TRRAP: variants seen among roughly 807,000 people sequenced by gnomAD.
TRRAP encodes transformation/transcription domain-associated protein.
A neutral mutation model predicts 438.8 loss-of-function variants in TRRAP; 41 were observed. That is an observed-to-expected ratio of 0.09 (90% confidence interval 0.07 to 0.12). The LOEUF is 0.12. Among genes scored for constraint, TRRAP ranks in the 10% least tolerant of loss-of-function variants. The probability of loss-of-function intolerance (pLI) is 1.00; values close to 1 mark genes in which losing one functional copy is unlikely to be tolerated. For synonymous variants in TRRAP, 1,994 were observed against 1,962.9 expected (o/e 1.02, Z -0.42); for missense variants, 3,122 against 5,055.1 (o/e 0.62, Z 11.60).
Position 98,945,944 on chromosome 7 carries a change from G to T in TRRAP, c.4542G>T (p.Gly1514=). Residue 1514 remains glycine, a synonymous_variant, in exon 33 of 73, where the codon GGG becomes GGT. Coordinates refer to ENST00000456197, the MANE Select transcript of TRRAP (RefSeq NM_001375524.1). ...PFCQFEPAME[G]VEEMKICSAI... is the part of the protein sequence containing the mutation. ...TTTTGGTTCAGCCTGCCATGGAAGG[G>T]GTAGAGGTGAGAACTTGAGCGGAGC... The T allele has an allele frequency of 6.8e-7, 1 of 1,480,740 alleles. No individual in the cohort carries two copies. The highest frequency in any genetic ancestry group is 9.0e-7 in the Non-Finnish European group (1 of 1,115,344). 91.7% of individuals were successfully genotyped at this position (1,480,740 alleles called of 1,614,324 possible).
chr7:98,920,611 G>A (rs1789740536), intron 20 of TRRAP, among the ~76,000 whole-genome samples: 1 of 152,192 alleles, frequency 6.6e-6, no homozygotes, highest in South Asian at 2.1e-4. Context: ...TAAATGCGGA[G>A]TCCACATTAA....
chr7:98,931,544 A>G lies in TRRAP; in HGVS notation c.3731A>G (p.Asp1244Gly), dbSNP rs1554412905. Residue 1244 changes from aspartate (D) to glycine (G), a missense_variant, in exon 26 of 73, where the codon GAC (aspartate) becomes GGC (glycine). Physicochemically the swap from Asp to Gly is moderately conservative, Grantham distance 94 (BLOSUM62 -1). Transcript: ENST00000456197. ...AAGTCTTTCCACCATGTGACACACG[A>G]CTTGGTTCGAGAAGTCACCTCTCCA... ...QEKSFHHVTHDLVREVTSPNS... is the reference protein window; with the variant it reads ...QEKSFHHVTHGLVREVTSPNS... The G allele has an allele frequency of 6.2e-7, 1 of 1,614,196 alleles. No individual in the cohort carries two copies. The highest frequency in any genetic ancestry group is 2.2e-5 in the East Asian group (1 of 44,882).
intron 70 of TRRAP, 54 bp downstream of exon 70, chr7:99,008,615 G>T: frequency 6.3e-7 from 1 of 1,588,604 alleles, no homozygotes; most frequent in Non-Finnish European, 8.6e-7. Context: ...CCTCCTGTGT[G>T]GGGCAGTGCC....
intron 39 of TRRAP, 102 bp downstream of exon 39, chr7:98,951,106 A>G (rs1386703034): frequency 1.1e-6 from 1 of 896,330 alleles, no homozygotes. Context: ...AAGGGGGTTC[A>G]TTGAAATAAG....
chr7:98,882,363 C>CTTTTTTTTTTTTT (rs531239628), intron 3 of TRRAP, among the ~76,000 whole-genome samples: 5 of 138,192 alleles, frequency 3.6e-5, no homozygotes, highest in Non-Finnish European at 4.7e-5. Context: ...TCTTTTCTTT[C>CTTTTTTTTTTTTT]TTTTTTTTTT....
chr7:98,881,740 CGTGTGTGTGTTTGT>C (rs1795447157), intron 2 of TRRAP: 3 of 462,034 alleles, frequency 6.5e-6, no homozygotes, highest in African/African-American at 2.0e-5. Flanking sequence ...CAAAGAGGCA[CGTGTGTGTGTTTGT>C]GTGTGTGTGT....
At chr7:98,953,513 C>T (rs1214727391) in intron 40 of TRRAP, 80 bp downstream of exon 40, 17 of 1,558,992 alleles carry the variant, frequency 1.1e-5, no homozygotes, top group East Asian at 4.5e-5. Flanking sequence ...GCAGTCTCAG[C>T]CTCTCCTGTT....
Position 98,950,030 on chromosome 7 carries a change from T to TA in TRRAP, c.5136-32dup, listed in dbSNP as rs1365790775. ...GCGTAGTTGTTAATGAAATTTGCTCTAAGTTAACCTGTCTTCTTCTTTTGA... is the reference window on the plus strand; with the variant it reads ...GCGTAGTTGTTAATGAAATTTGCTCTAAAGTTAACCTGTCTTCTTCTTTTGA... On this transcript the variant is annotated intron_variant, in intron 37 of 72. Coordinates refer to ENST00000456197, the MANE Select transcript of TRRAP (RefSeq NM_001375524.1). The TA allele has an allele frequency of 3.1e-6, 5 of 1,611,558 alleles. No homozygotes were observed. The East Asian group carries it at 1.1e-4, about 36-fold the overall frequency.
At chr7:98,981,368 C>T (rs1792906035) in intron 58 of TRRAP, among the ~76,000 whole-genome samples, 1 of 152,196 alleles carries the variant, frequency 6.6e-6, no homozygotes, top group Non-Finnish European at 1.5e-5. Flanking sequence ...CACCACTGCT[C>T]TGCAGGCTGG....
chr7:99,008,444 T>C lies in TRRAP; in HGVS notation c.10821T>C (p.Leu3607=), dbSNP rs777704737. 6.2e-7 allele frequency: 1 copy of C among 1,613,784 alleles called. No homozygotes were observed. The highest frequency in any genetic ancestry group is 8.5e-7 in the Non-Finnish European group (1 of 1,179,898). ...AGGACAACCCCTCTTCACTTTCCCT[T>C]GTGGAGATCTACAAGCAGCGCTGCG... ...LVEDNPSSLS[L]VEIYKQRCAK... is the part of the protein sequence containing the mutation. Residue 3607 remains leucine, a synonymous_variant, in exon 70 of 73, where the codon CTT becomes CTC. Transcript: ENST00000456197.
At position 99,011,222 on chromosome 7, in the gene TRRAP, T is replaced by C; in HGVS notation, c.11109T>C (p.Asn3703=). The C allele has an allele frequency of 6.2e-7, 1 of 1,614,212 alleles. No homozygotes were observed. Among genetic ancestry groups the C allele is most frequent in the Non-Finnish European group, 8.5e-7 (1 of 1,180,036 alleles). The change falls in exon 71 of 73, where the codon AAT becomes AAC. Residue 3703 remains asparagine, a synonymous_variant. Coordinates refer to ENST00000456197, the MANE Select transcript of TRRAP (RefSeq NM_001375524.1). This position sits in a 1 kb window ranked among gnomAD's most constrained non-coding sequence, Gnocchi z 7.1. The part of the protein sequence containing the change: ...IGFAEFVLHL[N]RLNPEMLQIA... ...TCGCGGAATTCGTCCTGCATTTAAA[T>C]AGACTCAACCCCGAGATGTTACAGA...
chr7:98,979,179 A>G (rs1022608302), intron 58 of TRRAP, among the ~76,000 whole-genome samples: 1 of 152,240 alleles, frequency 6.6e-6, no homozygotes, highest in Non-Finnish European at 1.5e-5. Flanking sequence ...GACCTGGGAA[A>G]TGACTCATTG....
In TRRAP at chr7:98,911,264, C is replaced by T; in HGVS notation, c.2000C>T (p.Ala667Val). The T allele has an allele frequency of 1.2e-6, 2 of 1,610,260 alleles. No homozygotes were observed. The highest frequency in any genetic ancestry group is 1.7e-6 in the Non-Finnish European group (2 of 1,177,996). ...GTGGAGAGAATCTCAAAAAATTATG[C>T]TCTTCAGGTATAAAACTCCTTTTTT... ...YMVERISKNYALQIVANSFLA... is the reference protein window; with the variant it reads ...YMVERISKNYVLQIVANSFLA... The change falls in exon 17 of 73, where the codon GCT (alanine) becomes GTT (valine). Residue 667 changes from alanine (A) to valine (V), a missense_variant. Coordinates refer to ENST00000456197, the MANE Select transcript of TRRAP (RefSeq NM_001375524.1).
intron 31 of TRRAP, 103 bp downstream of exon 31, chr7:98,943,120 T>C (rs1340921987): frequency 8.4e-7 from 1 of 1,190,518 alleles, no homozygotes. Flanking sequence ...GAAACCTAGT[T>C]TGACGTGATT....
rs767472181 is a variant in TRRAP at position 98,994,846 on chromosome 7, C to T, written c.10307C>T (p.Thr3436Met). ...CAGAAGCTGAAAGGCCAGTTCACGA[C>T]GGGTGAGTCTCCATTTTCCTTCCCT... ...VFQKLKGQFT[T>M]DFDFSVPGSM... The change falls in exon 67 of 73, where the codon ACG becomes ATG. Residue 3436 changes from threonine (T) to methionine (M), a missense_variant and splice_region_variant. By Grantham distance (81) the Thr-to-Met change is moderately conservative. Transcript: ENST00000456197. The surrounding 1 kb of genome is among the most constrained non-coding windows in gnomAD (Gnocchi z 4.8). 25 of 1,607,948 alleles carry T rather than the reference C, an allele frequency of 1.6e-5. No individual in the cohort carries two copies. Among genetic ancestry groups the T allele is most frequent in the South Asian group, 1.3e-4 (12 of 91,006 alleles).
intron 67 of TRRAP, among the ~76,000 whole-genome samples, chr7:99,000,130 C>G (rs1793847759): frequency 6.6e-6 from 1 of 152,138 alleles, no homozygotes; most frequent in South Asian, 2.1e-4. Context: ...GCCTCAGCCT[C>G]CCGAGTAGCT....
rs148909595 is a variant in TRRAP at position 98,922,508 on chromosome 7, G to C, written c.2823+555G>C. Among the ~76,000 whole-genome samples, 1,013 of 152,188 alleles carry C rather than the reference G, an allele frequency of 6.7e-3. 15 individuals carry two copies. The highest frequency in any genetic ancestry group is 0.023 in the African/African-American group (945 of 41,522). ...TGAACACCCACCGTCTCTCCTCCCTGCCCTGCTGACTTTTCTGCTCCCTGT... is the reference window on the plus strand; with the variant it reads ...TGAACACCCACCGTCTCTCCTCCCTCCCCTGCTGACTTTTCTGCTCCCTGT... On this transcript the variant is annotated intron_variant, in intron 21 of 72. Coordinates refer to ENST00000456197, the MANE Select transcript of TRRAP (RefSeq NM_001375524.1).
At chr7:98,953,133 C>G in intron 39 of TRRAP, 34 bp from the exon 40 acceptor site, 2 of 1,594,674 alleles carry the variant, frequency 1.3e-6, no homozygotes, top group East Asian at 2.3e-5. Flanking sequence ...CAGTTCACAA[C>G]TGGAAATGAG....
intron 60 of TRRAP, 105 bp from the exon 61 acceptor site, chr7:98,983,988 T>G: frequency 7.2e-7 from 1 of 1,397,346 alleles, no homozygotes; most frequent in African/African-American, 1.5e-5. Flanking sequence ...CTGCCCATTT[T>G]CATAAGCCAT....
Sources: gnomAD v4.1 joint callset for allele counts (sites outside exome capture counted in the v4.1 genomes callset) on GRCh38, gnomAD v4.1.1 for gene constraint, Gnocchi (gnomAD v3.1) non-coding constraint, MANE v1.5 for transcripts, NCBI Gene and HGNC (gene_info 2026-07-23, HGNC 2026-07-21) for gene names.